KATNAL2: variants seen among roughly 807,000 people sequenced by gnomAD.
KATNAL2 encodes the protein katanin p60 ATPase-containing subunit A-like 2.
In KATNAL2, 52 loss-of-function variants were observed where a neutral mutation model predicts 76.3. The observed-to-expected ratio is 0.68, with a 90% confidence interval of 0.55 to 0.86. The LOEUF is 0.86. Among genes scored for constraint, KATNAL2 ranks in the 40% least tolerant of loss-of-function variants. The pLI, the probability that KATNAL2 is intolerant of heterozygous loss-of-function variation, is 0.00. For missense variants in KATNAL2, 660 were observed against 668.9 expected (o/e 0.99, Z 0.15); for synonymous variants, 243 against 244.2 (o/e 1.00, Z 0.05).
Position 47,034,701 on chromosome 18 carries a change from C to T in KATNAL2, c.52-11756C>T, listed in dbSNP as rs529402856. The T allele has an allele frequency of 5.0e-6, 8 of 1,612,970 alleles. 1 individual carries two copies. The East Asian group carries it at 1.6e-4, about 31-fold the overall frequency. ...GGCCTCTTCCGGGTTGCTTCCCGGG[C>T]GCAGCGGGCTCAGGGCCCTCGGGCA... On this transcript the variant is annotated intron_variant, in intron 3 of 17. Coordinates refer to ENST00000683218, the MANE Select transcript of KATNAL2 (RefSeq NM_001387690.1).
chr18:46,937,102 C>G (rs900883509), intron 1 of KATNAL2, among the ~76,000 whole-genome samples: 16 of 152,172 alleles, frequency 1.1e-4, no homozygotes, highest in Non-Finnish European at 2.2e-4. Context: ...AGTTTTTCAT[C>G]ACTTTCCAGG....
At chr18:47,093,222 T>A (rs1020672248) in intron 15 of KATNAL2, among the ~76,000 whole-genome samples, 3 of 152,202 alleles carry the variant, frequency 2.0e-5, no homozygotes, top group Non-Finnish European at 4.4e-5. Flanking sequence ...CACAGGGTTG[T>A]TGTGAGAATT....
intron 15 of KATNAL2, chr18:47,098,433 C>A (rs1054825884): frequency 1.0e-4 from 20 of 193,428 alleles, no homozygotes; most frequent in Non-Finnish European, 2.1e-4. Flanking sequence ...AACCATCAGA[C>A]CTTGTGAGAC....
intron 1 of KATNAL2, among the ~76,000 whole-genome samples, chr18:46,921,622 G>A (rs1247376133): frequency 6.6e-6 from 1 of 151,334 alleles, no homozygotes; most frequent in Non-Finnish European, 1.5e-5. Flanking sequence ...TTTATAAAGT[G>A]AAAGATGGTA....
At chr18:46,951,774 A>G (rs2059564569) in intron 3 of KATNAL2, among the ~76,000 whole-genome samples, 1 of 152,088 alleles carries the variant, frequency 6.6e-6, no homozygotes, top group Admixed American at 6.6e-5. Context: ...TTGCTCCATT[A>G]CTTTTTTAAT....
chr18:46,958,716 A>G (rs950896311), intron 3 of KATNAL2, among the ~76,000 whole-genome samples: 1 of 152,242 alleles, frequency 6.6e-6, no homozygotes, highest in Non-Finnish European at 1.5e-5. Flanking sequence ...CCTGAATGTA[A>G]GAATCCTCTA....
At chr18:46,961,341 T>A (rs1266215423) in intron 3 of KATNAL2, among the ~76,000 whole-genome samples, 1 of 152,238 alleles carries the variant, frequency 6.6e-6, no homozygotes, top group Non-Finnish European at 1.5e-5. Context: ...TCATTTCCCC[T>A]GTAGAGAATC....
chr18:46,929,148 A>G (rs1319596567), intron 1 of KATNAL2, among the ~76,000 whole-genome samples: 1 of 151,980 alleles, frequency 6.6e-6, no homozygotes, highest in African/African-American at 2.4e-5. Context: ...AACATTTAAT[A>G]TAAGTGGAAT....
chr18:46,938,423 A>G (rs2059152858), intron 1 of KATNAL2, among the ~76,000 whole-genome samples: 1 of 152,190 alleles, frequency 6.6e-6, no homozygotes, highest in African/African-American at 2.4e-5. Flanking sequence ...TTAAAAAAGA[A>G]AGGATCTGAA....
intron 10 of KATNAL2, among the ~76,000 whole-genome samples, chr18:47,066,641 A>G (rs866545269): frequency 6.6e-5 from 10 of 151,876 alleles, no homozygotes; most frequent in African/African-American, 2.4e-4. Flanking sequence ...AGTTGAAGGC[A>G]TATTCTGTAG....
chr18:47,037,436 G>T (rs1000950374), intron 3 of KATNAL2, among the ~76,000 whole-genome samples: 1 of 152,144 alleles, frequency 6.6e-6, no homozygotes, highest in Non-Finnish European at 1.5e-5. Flanking sequence ...TCCTTTCTTT[G>T]TACACAGAAA....
chr18:46,921,675 C>T (rs1365043436), intron 1 of KATNAL2, among the ~76,000 whole-genome samples: 1 of 150,592 alleles, frequency 6.6e-6, no homozygotes, highest in Non-Finnish European at 1.5e-5. Flanking sequence ...TGAATCTAAA[C>T]AGCTGATAAA....
At chr18:47,047,364 A>G (rs965444567) in intron 4 of KATNAL2, among the ~76,000 whole-genome samples, 2 of 152,296 alleles carry the variant, frequency 1.3e-5, no homozygotes, top group African/African-American at 2.4e-5. Flanking sequence ...AGGTTTTTCT[A>G]TAGTCTCACT....
chr18:47,041,436 C>T (rs1179987161), intron 3 of KATNAL2, among the ~76,000 whole-genome samples: 4 of 152,162 alleles, frequency 2.6e-5, no homozygotes, highest in Non-Finnish European at 5.9e-5. Context: ...AGAATGTTAT[C>T]TATTTGGAAT....
At chr18:46,948,512 C>T (rs1390215101) in intron 3 of KATNAL2, among the ~76,000 whole-genome samples, 1 of 148,662 alleles carries the variant, frequency 6.7e-6, no homozygotes, top group Non-Finnish European at 1.5e-5. Flanking sequence ...GCAACCTCTG[C>T]CTCCTGGTTT....
intron 4 of KATNAL2, among the ~76,000 whole-genome samples, chr18:47,049,890 T>G (rs886565965): frequency 5.9e-5 from 9 of 152,214 alleles, no homozygotes; most frequent in Non-Finnish European, 1.3e-4. Context: ...TTTATTTATT[T>G]ATTTCCTTAT....
rs114887574 is a variant in KATNAL2, at chr18:47,084,000, G to C, written c.1211+6539G>C. 7.4e-3 allele frequency among the ~76,000 whole-genome samples: 1,125 copies of C among 152,314 alleles called. 9 individuals carry two copies. The highest frequency in any genetic ancestry group is 0.025 in the African/African-American group (1,035 of 41,558). On this transcript the variant is annotated intron_variant, in intron 15 of 17. Transcript: ENST00000683218. Reference sequence around the variant, plus strand: ...AAAAATCAGACACCTGGTATACCAAGCTCTGGATTTAAAAATCCCTAACAT... The same window carrying C: ...AAAAATCAGACACCTGGTATACCAACCTCTGGATTTAAAAATCCCTAACAT...
chr18:47,071,038 G>T (rs1294986893), intron 13 of KATNAL2, among the ~76,000 whole-genome samples: 1 of 152,132 alleles, frequency 6.6e-6, no homozygotes, highest in Non-Finnish European at 1.5e-5. Context: ...CTACTTATAT[G>T]GGGAATTTTT....
chr18:47,058,491 T>G, intron 7 of KATNAL2, 139 bp downstream of exon 7: 1 of 602,574 alleles, frequency 1.7e-6, no homozygotes, highest in Non-Finnish European at 3.0e-6. Flanking sequence ...TTAGGTTTTC[T>G]TCCAGTACAC....
Sources: gnomAD v4.1 joint callset for allele counts (sites outside exome capture counted in the v4.1 genomes callset) on GRCh38, gnomAD v4.1.1 for gene constraint, MANE v1.5 for transcripts, NCBI Gene and HGNC (gene_info 2026-07-23, HGNC 2026-07-21) for gene names.